The following RFTN1 variants were observed in gnomAD, a reference collection of about 807,000 sequenced individuals.
The protein encoded by RFTN1 is raftlin, lipid raft linker 1.
RFTN1 carries 26 observed loss-of-function variants against 46.5 expected under a neutral mutation model. The observed-to-expected ratio is 0.56, with a 90% CI of 0.41 to 0.78. The LOEUF (loss-of-function observed/expected upper bound fraction) is 0.78, where lower values mean the gene tolerates loss of function less well. RFTN1 is among the 30% of genes least tolerant of loss of function. The probability of loss-of-function intolerance (pLI) is 0.00; values close to 1 mark genes in which losing one functional copy is unlikely to be tolerated. For synonymous variants in RFTN1, 261 were observed against 284.2 expected (o/e 0.92, Z 0.82); for missense variants, 693 against 718.7 (o/e 0.96, Z 0.41).
intron 7 of RFTN1, among the ~76,000 whole-genome samples, chr3:16,350,944 C>A (rs1374874654): frequency 6.6e-6 from 1 of 152,126 alleles, no homozygotes; most frequent in East Asian, 1.9e-4. Context: ...TGATGTTACT[C>A]CCTGGCAAAT....
intron 2 of RFTN1, among the ~76,000 whole-genome samples, chr3:16,469,758 T>C (rs2076162536): frequency 6.6e-6 from 1 of 152,236 alleles, no homozygotes; most frequent in South Asian, 2.1e-4. Flanking sequence ...CTACTTCTTT[T>C]TCCCTCCTTG....
chr3:16,358,278 C>T (rs1243334594), intron 6 of RFTN1, among the ~76,000 whole-genome samples: 1 of 152,152 alleles, frequency 6.6e-6, no homozygotes, highest in Non-Finnish European at 1.5e-5. Flanking sequence ...ATTTTATGAG[C>T]CCAAATTTCA....
chr3:16,447,412 G>A lies in RFTN1; in HGVS notation c.146-13375C>T, dbSNP rs991393639. Among the ~76,000 whole-genome samples the A allele has an allele frequency of 1.1e-4, 16 of 152,306 alleles. 2 individuals carry two copies. Among genetic ancestry groups the A allele is most frequent in the South Asian group, 1.0e-3 (5 of 4,832 alleles). ...AAATAGAAAATCATACACACGAGTT[G>A]AGCAGCTCCGGCTCCATTAACCAAT... On this transcript the variant is annotated intron_variant, in intron 2 of 9. Transcript: ENST00000334133. The surrounding 1 kb of genome is among the most constrained non-coding windows in gnomAD (Gnocchi z 5.9).
chr3:16,465,388 AT>A lies in RFTN1; in HGVS notation c.145+28336del, dbSNP rs1232104405. 3.3e-5 allele frequency among the ~76,000 whole-genome samples: 5 copies of A among 151,700 alleles called. No individual in the cohort carries two copies. Among genetic ancestry groups the A allele is most frequent in the African/African-American group, 4.8e-5 (2 of 41,264 alleles). ...GCAATTCTCTGAGCACAGGAAAAAA[AT>A]ATCCCCAACAGAGGTTGGCAGCTCA... is the stretch of plus-strand genomic sequence containing the variant. On this transcript the variant is annotated intron_variant, in intron 2 of 9. Transcript: ENST00000334133. This position sits in a 1 kb window ranked among gnomAD's most constrained non-coding sequence, Gnocchi z 5.1.
chr3:16,435,077 T>G (rs2075476277), intron 2 of RFTN1, among the ~76,000 whole-genome samples: 1 of 152,266 alleles, frequency 6.6e-6, no homozygotes, highest in African/African-American at 2.4e-5. Flanking sequence ...GTGAAAAGTC[T>G]ACATCCTAGC....
At chr3:16,508,692 G>GCA (rs1293312366) in intron 1 of RFTN1, among the ~76,000 whole-genome samples, 27 of 87,770 alleles carry the variant, frequency 3.1e-4, no homozygotes, top group African/African-American at 8.0e-4. Context: ...AAGATCACAC[G>GCA]CACGCACACA....
chr3:16,395,358 C>A (rs1026287744), intron 4 of RFTN1, among the ~76,000 whole-genome samples: 1 of 152,116 alleles, frequency 6.6e-6, no homozygotes, highest in East Asian at 1.9e-4. Flanking sequence ...TAAATGAATT[C>A]TACTAAAATA....
chr3:16,462,367 C>T (rs1471598056), intron 2 of RFTN1, among the ~76,000 whole-genome samples: 2 of 152,188 alleles, frequency 1.3e-5, no homozygotes, highest in Non-Finnish European at 2.9e-5. Flanking sequence ...TGTCCTAATC[C>T]CTAGAACCTG....
chr3:16,406,071 G>A (rs1424811617), intron 4 of RFTN1, among the ~76,000 whole-genome samples: 1 of 152,140 alleles, frequency 6.6e-6, no homozygotes, highest in East Asian at 1.9e-4. Flanking sequence ...TTCTTCCTGG[G>A]AAGCACCTGT....
At chr3:16,412,656 T>TG (rs1229663773) in intron 3 of RFTN1, among the ~76,000 whole-genome samples, 1 of 152,138 alleles carries the variant, frequency 6.6e-6, no homozygotes, top group African/African-American at 2.4e-5. Context: ...GCCCTTTCAG[T>TG]GGGGGCAGGG....
At position 16,327,831 on chromosome 3, in the gene RFTN1, C is replaced by T. The variant is rs769777071; in HGVS notation, c.1147-955G>A. Among the ~76,000 whole-genome samples, 10 of 152,136 alleles carry T rather than the reference C, an allele frequency of 6.6e-5. No individual in the cohort carries two copies. The highest frequency in any genetic ancestry group is 1.5e-4 in the Non-Finnish European group (10 of 68,010). ...CAGGGAGAGAGCCCTGATGTGAGGC[C>T]CCTGCACTGGCTTCCACCTCTGCAG... On this transcript the variant is annotated intron_variant, in intron 7 of 9. Coordinates refer to ENST00000334133, the MANE Select transcript of RFTN1 (RefSeq NM_015150.2). The surrounding 1 kb of genome is among the most constrained non-coding windows in gnomAD (Gnocchi z 4.2).
intron 6 of RFTN1, among the ~76,000 whole-genome samples, chr3:16,367,607 G>C (rs2073269029): frequency 6.6e-6 from 1 of 152,156 alleles, no homozygotes; most frequent in Non-Finnish European, 1.5e-5. Flanking sequence ...GAAATTTCAT[G>C]TTCTGTCTTC....
rs1249530342 is a variant in RFTN1 at position 16,465,422 on chromosome 3, AC to A, written c.145+28302del. 1.6e-5 allele frequency among the ~76,000 whole-genome samples: 2 copies of A among 125,432 alleles called. No individual in the cohort carries two copies. The highest frequency in any genetic ancestry group is 8.4e-5 in the African/African-American group (2 of 23,822). 82.3% of individuals were successfully genotyped at this position (125,432 alleles called of 152,430 possible). On this transcript the variant is annotated intron_variant, in intron 2 of 9. Transcript: ENST00000334133. The surrounding 1 kb of genome is among the most constrained non-coding windows in gnomAD (Gnocchi z 5.1). ...ACAGAGGTTGGCAGCTCAGAGGGAC[AC>A]ACACACACACACACACACACACACA...
chr3:16,448,151 T>A lies in RFTN1; in HGVS notation c.146-14114A>T, dbSNP rs2075766173. On this transcript the variant is annotated intron_variant, in intron 2 of 9. Coordinates refer to ENST00000334133, the MANE Select transcript of RFTN1 (RefSeq NM_015150.2). The surrounding 1 kb of genome is among the most constrained non-coding windows in gnomAD (Gnocchi z 4.1). Reference sequence around the variant, plus strand: ...AAAAAAAAAAGTCTCCCAATAATAATTTTTTATTGATTCCATATTGAAATG... The same window carrying A: ...AAAAAAAAAAGTCTCCCAATAATAAATTTTTATTGATTCCATATTGAAATG... Among the ~76,000 whole-genome samples the A allele has an allele frequency of 6.6e-6, 1 of 152,104 alleles. No individual in the cohort carries two copies. Among genetic ancestry groups the A allele is most frequent in the African/African-American group, 2.4e-5 (1 of 41,426 alleles).
At position 16,352,199 on chromosome 3, in the gene RFTN1, A is replaced by G. The variant is rs1441572009; in HGVS notation, c.1146+5733T>C. Among the ~76,000 whole-genome samples the G allele has an allele frequency of 6.6e-6, 1 of 152,206 alleles. No individual in the cohort carries two copies. Among genetic ancestry groups the G allele is most frequent in the Non-Finnish European group, 1.5e-5 (1 of 68,022 alleles). ...TGCTTTTTCTACTCTCTTATGTTCC[A>G]TTCTGGCACCAAATTTCACGATAAG... On this transcript the variant is annotated intron_variant, in intron 7 of 9. Transcript: ENST00000334133. The surrounding 1 kb of genome is among the most constrained non-coding windows in gnomAD (Gnocchi z 4.6).
At chr3:16,403,140 C>T (rs1240373741) in intron 4 of RFTN1, among the ~76,000 whole-genome samples, 2 of 152,124 alleles carry the variant, frequency 1.3e-5, no homozygotes, top group African/African-American at 2.4e-5. Flanking sequence ...CCCCATGTAC[C>T]CAACACGCGT....
At position 16,334,745 on chromosome 3, in the gene RFTN1, C is replaced by T. The variant is rs150666613; in HGVS notation, c.1147-7869G>A. 6.6e-6 allele frequency among the ~76,000 whole-genome samples: 1 copy of T among 152,184 alleles called. No individual in the cohort carries two copies. The highest frequency in any genetic ancestry group is 2.4e-5 in the African/African-American group (1 of 41,440). ...GCCCCAAAGATGTCTACAGCCTAAT[C>T]CCAGGAGCCTGTGAAAATGTTCCCT... On this transcript the variant is annotated intron_variant, in intron 7 of 9. Coordinates refer to ENST00000334133, the MANE Select transcript of RFTN1 (RefSeq NM_015150.2). This position sits in a 1 kb window ranked among gnomAD's most constrained non-coding sequence, Gnocchi z 4.3.
At position 16,480,116 on chromosome 3, in the gene RFTN1, A is replaced by G. The variant is rs748090169; in HGVS notation, c.145+13609T>C. ...AGAGTAGATAATCAATAAATATTGA[A>G]TGGATCAATTTTGTTAAGTAACTTT... On this transcript the variant is annotated intron_variant, in intron 2 of 9. Coordinates refer to ENST00000334133, the MANE Select transcript of RFTN1 (RefSeq NM_015150.2). The surrounding 1 kb of genome is among the most constrained non-coding windows in gnomAD (Gnocchi z 4.3). 3.3e-5 allele frequency among the ~76,000 whole-genome samples: 5 copies of G among 152,224 alleles called. No individual in the cohort carries two copies. The highest frequency in any genetic ancestry group is 4.8e-5 in the African/African-American group (2 of 41,468).
intron 4 of RFTN1, among the ~76,000 whole-genome samples, chr3:16,398,271 A>AAAAAAAAAAAAG (rs1559322564): frequency 2.0e-5 from 3 of 149,584 alleles, no homozygotes; most frequent in African/African-American, 7.4e-5. Flanking sequence ...AAAAAAAAAA[A>AAAAAAAAAAAAG]AAGAAGCATC....
Sources: allele counts gnomAD v4.1 joint callset (sites outside exome capture counted in the v4.1 genomes callset), GRCh38; gene constraint gnomAD v4.1.1; non-coding constraint Gnocchi (gnomAD v3.1); transcripts MANE v1.5; gene names NCBI Gene and HGNC (gene_info 2026-07-23, HGNC 2026-07-21).